H2AJ: variants seen among roughly 807,000 people sequenced by gnomAD.
H2AJ encodes the protein histone H2A.J.
H2AJ carries 3 observed loss-of-function variants against 7.9 expected under a neutral mutation model. The ratio of observed to expected loss-of-function variants is 0.38; its 90% CI spans 0.17 to 0.98. The LOEUF (loss-of-function observed/expected upper bound fraction) is 0.98. Ranked by LOEUF, H2AJ falls within the 50% of genes least tolerant of loss-of-function variation. The pLI, the probability that H2AJ is intolerant of heterozygous loss-of-function variation, is 0.39. For missense variants in H2AJ, 128 were observed against 174.4 expected, an observed-to-expected ratio of 0.73 and a Z score of 1.50; for synonymous variants, 98 against 85.7, an observed-to-expected ratio of 1.14 and a Z score of -0.79.
downstream of H2AJ, chr12:14,775,800 T>A (rs1949631470): frequency 4.6e-6 from 1 of 219,676 alleles, no homozygotes; most frequent in Non-Finnish European, 1.0e-5. Flanking sequence ...ACAAATAACC[T>A]GTTTGAACTC....
In H2AJ at chr12:14,774,618, G is replaced by C. The variant is rs761259039; in HGVS notation, c.148G>C (p.Val50Leu). 15 of 1,613,974 alleles carry C rather than the reference G, an allele frequency of 9.3e-6. No individual in the cohort carries two copies. The highest frequency in any genetic ancestry group is 3.3e-5 in the Admixed American group (2 of 60,002). The change falls in exon 1 of 1, where the codon GTG (valine) becomes CTG (leucine). Residue 50 changes from valine (V) to leucine (L), a missense_variant. Val to Leu is a conservative substitution (Grantham distance 32, BLOSUM62 1). Transcript: ENST00000544848. ...GGAGCGAGTGGGCGCCGGGGCGCCG[G>C]TGTACCTGGCGGCGGTGTTGGAGTA... ...YAERVGAGAP[V>L]YLAAVLEYLT...
chr12:14,774,440 C>G lies in H2AJ; in HGVS notation c.-31C>G. On this transcript the variant is annotated 5_prime_UTR_variant, in exon 1 of 1. Coordinates refer to ENST00000544848, the MANE Select transcript of H2AJ (RefSeq NM_177925.5). ...ACCGGACGCCGAGAGCGGTTTGTCT[C>G]CGTCTCTGGAGTTGTAGGCGAGAGG... 2 of 1,531,304 alleles carry G rather than the reference C, an allele frequency of 1.3e-6. No individual in the cohort carries two copies. Among genetic ancestry groups the G allele is most frequent in the Non-Finnish European group, 1.8e-6 (2 of 1,141,296 alleles). The allele number at this position is 1,531,304 out of a possible 1,614,324, so 94.9% of individuals were successfully genotyped here.
rs199793403 is a variant in H2AJ, at chr12:14,774,613, C to T, written c.143C>T (p.Ala48Val). The T allele has an allele frequency of 5.1e-5, 83 of 1,613,836 alleles. No homozygotes were observed. Among genetic ancestry groups the T allele is most frequent in the Non-Finnish European group, 6.9e-5 (82 of 1,179,964 alleles). ...TACGCGGAGCGAGTGGGCGCCGGGG[C>T]GCCGGTGTACCTGGCGGCGGTGTTG... ...GNYAERVGAG[A>V]PVYLAAVLEY... The change falls in exon 1 of 1, where the codon GCG (alanine) becomes GTG (valine). Residue 48 changes from alanine (A) to valine (V), a missense_variant. Ala to Val is a moderately conservative substitution (Grantham distance 64). Transcript: ENST00000544848.
Position 14,774,871 on chromosome 12 carries a change from G to A in H2AJ, c.*11G>A. The A allele has an allele frequency of 6.2e-7, 1 of 1,610,858 alleles. No homozygotes were observed. Among genetic ancestry groups the A allele is most frequent in the South Asian group, 1.1e-5 (1 of 90,840 alleles). On this transcript the variant is annotated 3_prime_UTR_variant, in exon 1 of 1. Transcript: ENST00000544848. ...ACGAAGAGCAAATGACCCTGACGCC[G>A]CCCTCAGGGAGCTGGCTCCCCCAGC...
Position 14,774,909 on chromosome 12 carries a change from C to T in H2AJ, c.*49C>T, listed in dbSNP as rs750063339. The T allele has an allele frequency of 6.3e-7, 1 of 1,578,080 alleles. No homozygotes were observed. The highest frequency in any genetic ancestry group is 1.4e-5 in the African/African-American group (1 of 73,626). ...TGGCTCCCCCAGCAAAGGCCCTTTTCATGGTCGTCCCGCAATGCTTTTGAA... is the reference window on the plus strand; with the variant it reads ...TGGCTCCCCCAGCAAAGGCCCTTTTTATGGTCGTCCCGCAATGCTTTTGAA... On this transcript the variant is annotated 3_prime_UTR_variant, in exon 1 of 1. Transcript: ENST00000544848.
At position 14,774,860 on chromosome 12, in the gene H2AJ, A is replaced by G; in HGVS notation, c.390A>G (p.Ter130TrpextTer2). The G allele has an allele frequency of 6.2e-7, 1 of 1,612,584 alleles. No homozygotes were observed. Among genetic ancestry groups the G allele is most frequent in the Non-Finnish European group, 8.5e-7 (1 of 1,179,298 alleles). Reference protein sequence around the residue: ...KTESQKTKSK* With the variant: ...KTESQKTKSKW The stretch of plus-strand genomic sequence containing the variant: ...AGAGTCAGAAGACGAAGAGCAAATG[A>G]CCCTGACGCCGCCCTCAGGGAGCTG... Residue 130 changes from the stop codon to tryptophan, a stop_lost, in exon 1 of 1, where the codon TGA (stop) becomes TGG (tryptophan). Coordinates refer to ENST00000544848, the MANE Select transcript of H2AJ (RefSeq NM_177925.5).
chr12:14,775,376 A>T, downstream of H2AJ: 1 of 471,354 alleles, frequency 2.1e-6, no homozygotes, highest in Non-Finnish European at 4.4e-6. Context: ...CGGGGCAGGA[A>T]GTGTCTGCGG....
rs1354897260 is a variant in H2AJ at position 14,774,775 on chromosome 12, C to T, written c.305C>T (p.Thr102Ile). ...TTAAACAAGCTGCTGGGCAAAGTGA[C>T]CATCGCTCAGGGCGGCGTCCTGCCC... ...EELNKLLGKV[T>I]IAQGGVLPNI... is the part of the protein sequence containing the mutation. The change falls in exon 1 of 1, where the codon ACC becomes ATC. Residue 102 changes from threonine (T) to isoleucine (I), a missense_variant. Transcript: ENST00000544848. 1.9e-6 allele frequency: 3 copies of T among 1,614,084 alleles called. No individual in the cohort carries two copies. The highest frequency in any genetic ancestry group is 1.6e-4 in the Middle Eastern group (1 of 6,084).
At chr12:14,777,512 A>T (rs1949656637), downstream of H2AJ, 1 of 166,980 alleles carries the variant, frequency 6.0e-6, no homozygotes, top group Non-Finnish European at 1.5e-5. Flanking sequence ...CAGGCCCCAT[A>T]ATTGGTGATG....
rs776672263 is a variant in H2AJ at position 14,774,502 on chromosome 12, T to C, written c.32T>C (p.Val11Ala). 6 of 1,591,680 alleles carry C rather than the reference T, an allele frequency of 3.8e-6. No individual in the cohort carries two copies. The highest frequency in any genetic ancestry group is 1.8e-5 in the Admixed American group (1 of 55,694). The change falls in exon 1 of 1, where the codon GTG (valine) becomes GCG (alanine). Residue 11 changes from valine (V) to alanine (A), a missense_variant. By Grantham distance (64) the Val-to-Ala change is moderately conservative (BLOSUM62 0). Transcript: ENST00000544848. MSGRGKQGGKVRAKAKSRSSR... is the reference protein window; with the variant it reads MSGRGKQGGKARAKAKSRSSR... ...GGTCGCGGGAAACAGGGCGGCAAAG[T>C]GCGAGCAAAGGCCAAATCCCGCTCC...
In H2AJ at chr12:14,774,411, C is replaced by T. The variant is rs1248115662; in HGVS notation, c.-60C>T. On this transcript the variant is annotated 5_prime_UTR_variant, in exon 1 of 1. Transcript: ENST00000544848. ...AGTTCGGGTGCGGTACGTTGCATTC[C>T]GGTACCGGACGCCGAGAGCGGTTTG... 5.9e-6 allele frequency: 9 copies of T among 1,516,032 alleles called. No homozygotes were observed. The highest frequency in any genetic ancestry group is 7.9e-6 in the Non-Finnish European group (9 of 1,133,036). The allele number at this position is 1,516,032 out of a possible 1,614,324, so 93.9% of individuals were successfully genotyped here.
chr12:14,774,555 G>T lies in H2AJ; in HGVS notation c.85G>T (p.Gly29Cys), dbSNP rs766736029. 6.2e-7 allele frequency: 1 copy of T among 1,613,516 alleles called. No individual in the cohort carries two copies. The highest frequency in any genetic ancestry group is 1.1e-5 in the South Asian group (1 of 91,034). The change falls in exon 1 of 1, where the codon GGC becomes TGC. Residue 29 changes from glycine to cysteine, a missense_variant. Transcript: ENST00000544848. The stretch of plus-strand genomic sequence containing the variant: ...CCGCGCGGGCCTGCAGTTCCCGGTG[G>T]GCCGAGTGCACAGACTGCTGCGCAA... ...SSRAGLQFPV[G>C]RVHRLLRKGN...
downstream of H2AJ, chr12:14,775,153 G>T: frequency 2.0e-6 from 1 of 500,436 alleles, no homozygotes. Flanking sequence ...TTAGTCCGCA[G>T]GTCACCCTCG....
At chr12:14,775,453 C>G (rs1050708027), downstream of H2AJ, 12 of 471,010 alleles carry the variant, frequency 2.5e-5, no homozygotes, top group Non-Finnish European at 5.3e-5. Flanking sequence ...ACGATGTCAA[C>G]TTGAGATTCT....
chr12:14,776,181 G>A (rs1949638031), downstream of H2AJ: 2 of 167,028 alleles, frequency 1.2e-5, no homozygotes, highest in East Asian at 1.9e-4. Context: ...CCTTGGTAGC[G>A]GCTGGCCCAT....
downstream of H2AJ, chr12:14,775,945 G>T (rs1303410087): frequency 6.0e-6 from 1 of 167,386 alleles, no homozygotes; most frequent in Admixed American, 6.5e-5. Context: ...AGTGCAGGGG[G>T]AAACACATTT....
downstream of H2AJ, chr12:14,775,623 A>T: frequency 2.8e-6 from 1 of 355,512 alleles, no homozygotes; most frequent in South Asian, 2.3e-5. Context: ...ATAACATTGC[A>T]GCGCCTTTAG....
Position 14,774,484 on chromosome 12 carries a change from G to A in H2AJ, c.14G>A (p.Gly5Glu). ...CGAGAGGTGATCATGTCCGGTCGCG[G>A]GAAACAGGGCGGCAAAGTGCGAGCA... MSGR[G>E]KQGGKVRAKA... Residue 5 changes from glycine to glutamate, a missense_variant, in exon 1 of 1, where the codon GGG (glycine) becomes GAG (glutamate). Coordinates refer to ENST00000544848, the MANE Select transcript of H2AJ (RefSeq NM_177925.5). 6.4e-7 allele frequency: 1 copy of A among 1,571,896 alleles called. No homozygotes were observed. The highest frequency in any genetic ancestry group is 8.6e-7 in the Non-Finnish European group (1 of 1,160,828).
chr12:14,774,569 A>C lies in H2AJ; in HGVS notation c.99A>C (p.Arg33Ser), dbSNP rs758035665. The change falls in exon 1 of 1, where the codon AGA becomes AGC. Residue 33 changes from arginine to serine, a missense_variant. Coordinates refer to ENST00000544848, the MANE Select transcript of H2AJ (RefSeq NM_177925.5). ...AGTTCCCGGTGGGCCGAGTGCACAGACTGCTGCGCAAAGGGAACTACGCGG... is the reference window on the plus strand; with the variant it reads ...AGTTCCCGGTGGGCCGAGTGCACAGCCTGCTGCGCAAAGGGAACTACGCGG... ...GLQFPVGRVH[R>S]LLRKGNYAER... 1.2e-6 allele frequency: 2 copies of C among 1,613,708 alleles called. No homozygotes were observed. Among genetic ancestry groups the C allele is most frequent in the African/African-American group, 2.7e-5 (2 of 74,886 alleles).
Sources: gnomAD v4.1 joint callset for allele counts on GRCh38, gnomAD v4.1.1 for gene constraint, MANE v1.5 for transcripts, NCBI Gene and HGNC (gene_info 2026-07-23, HGNC 2026-07-21) for gene names.